The following SHOC1 variants were observed in gnomAD, a reference collection of about 807,000 sequenced individuals.
SHOC1 encodes shortage in chiasmata 1, also known as protein shortage in chiasmata 1 ortholog.
In SHOC1, 136 loss-of-function variants were observed where a neutral mutation model predicts 179.2. That is an observed-to-expected ratio of 0.76 (90% CI 0.66 to 0.87). SHOC1 has a LOEUF of 0.87. Ranked by LOEUF, SHOC1 falls within the 40% of genes least tolerant of loss-of-function variation. The pLI, the probability that SHOC1 is intolerant of heterozygous loss-of-function variation, is 0.00. For missense variants in SHOC1, 1,538 were observed against 1,700.8 expected (o/e 0.90, Z 1.68); for synonymous variants, 489 against 586.6 (o/e 0.83, Z 2.41).
At chr9:111,711,781 C>T (rs1276159233) in intron 18 of SHOC1, among the ~76,000 whole-genome samples, 1 of 152,004 alleles carries the variant, frequency 6.6e-6, no homozygotes, top group East Asian at 1.9e-4. Flanking sequence ...CTTAAGAGCC[C>T]AGGTAAATTT....
At chr9:111,736,519 A>G (rs1589424705) in intron 12 of SHOC1, among the ~76,000 whole-genome samples, 1 of 152,356 alleles carries the variant, frequency 6.6e-6, no homozygotes, top group East Asian at 1.9e-4. Context: ...CATATACAGA[A>G]GACTAAAACT....
At chr9:111,698,282 A>C (rs1417373143) in intron 24 of SHOC1, among the ~76,000 whole-genome samples, 1 of 152,116 alleles carries the variant, frequency 6.6e-6, no homozygotes, top group Non-Finnish European at 1.5e-5. Flanking sequence ...CTATGTCCTG[A>C]ATGGTATTGC....
At chr9:111,739,785 G>A (rs1457527355) in intron 11 of SHOC1, among the ~76,000 whole-genome samples, 2 of 151,982 alleles carry the variant, frequency 1.3e-5, no homozygotes, top group Admixed American at 6.6e-5. Context: ...GATGTCTAAT[G>A]TTTCTGCTGT....
intron 5 of SHOC1, among the ~76,000 whole-genome samples, chr9:111,765,264 G>A (rs2131588480): frequency 6.6e-6 from 1 of 152,134 alleles, no homozygotes; most frequent in Admixed American, 6.5e-5. Context: ...ATTACCTTTG[G>A]CTGAAGATAA....
rs1418932661 is a variant in SHOC1, at chr9:111,786,073, G to A, written c.46-38C>T. The A allele has an allele frequency of 3.7e-6, 5 of 1,342,602 alleles. No homozygotes were observed. The Admixed American group carries it at 1.6e-4, about 43-fold the overall frequency. 83.2% of individuals were successfully genotyped at this position (1,342,602 alleles called of 1,614,324 possible). ...GAAAGATTAGAAAATCTTTTAACAT[G>A]TACTATTTATCAATATTCAGAATAT... On this transcript the variant is annotated intron_variant, in intron 2 of 27. Coordinates refer to ENST00000682961, the MANE Select transcript of SHOC1 (RefSeq NM_001378211.1).
intron 17 of SHOC1, among the ~76,000 whole-genome samples, chr9:111,713,721 T>C (rs185336763): frequency 6.6e-5 from 10 of 152,318 alleles, no homozygotes; most frequent in Non-Finnish European, 1.2e-4. Flanking sequence ...TAGTGTAAAC[T>C]ATTTGAAATG....
rs983712472 is a variant in SHOC1 at position 111,722,507 on chromosome 9, A to C, written c.2033T>G (p.Leu678Arg). ...GGCAAATTTCCAATTAGCAGTAGGGAGGGTACACAAGGATACAAGGTTTTT... is the reference window on the plus strand; with the variant it reads ...GGCAAATTTCCAATTAGCAGTAGGGCGGGTACACAAGGATACAAGGTTTTT... Reference protein sequence around the residue: ...ILKNLVSLCTLPTANWKFATV... With the variant: ...ILKNLVSLCTRPTANWKFATV... The change falls in exon 15 of 28, where the codon CTC (leucine) becomes CGC (arginine). Residue 678 changes from leucine (L) to arginine (R), a missense_variant. Physicochemically the swap from Leu to Arg is moderately radical, Grantham distance 102. Transcript: ENST00000682961. The C allele has an allele frequency of 1.9e-6, 3 of 1,612,144 alleles. No homozygotes were observed. The highest frequency in any genetic ancestry group is 3.4e-5 in the Admixed American group (2 of 59,412).
At chr9:111,694,737 A>T (rs1308705171) in intron 24 of SHOC1, among the ~76,000 whole-genome samples, 5 of 152,090 alleles carry the variant, frequency 3.3e-5, no homozygotes, top group African/African-American at 1.2e-4. Flanking sequence ...ATAGTTGTCA[A>T]TTAAAATAAG....
At chr9:111,761,867 C>T (rs565410182) in intron 5 of SHOC1, among the ~76,000 whole-genome samples, 1 of 152,120 alleles carries the variant, frequency 6.6e-6, no homozygotes, top group South Asian at 2.1e-4. Flanking sequence ...TTGCCCATCA[C>T]ATTGGTTTAA....
At chr9:111,766,211 G>A (rs1835353423) in intron 5 of SHOC1, among the ~76,000 whole-genome samples, 1 of 152,078 alleles carries the variant, frequency 6.6e-6, no homozygotes, top group South Asian at 2.1e-4. Flanking sequence ...TTCCATCCAT[G>A]TTGCTGCAAA....
At position 111,691,600 on chromosome 9, in the gene SHOC1, T is replaced by C; in HGVS notation, c.4377A>G (p.Lys1459=). The C allele has an allele frequency of 6.2e-7, 1 of 1,613,836 alleles. No homozygotes were observed. The highest frequency in any genetic ancestry group is 8.5e-7 in the Non-Finnish European group (1 of 1,179,880). The change falls in exon 27 of 28, where the codon AAA becomes AAG. Residue 1459 remains lysine (K), a synonymous_variant. Coordinates refer to ENST00000682961, the MANE Select transcript of SHOC1 (RefSeq NM_001378211.1). ...AGTTAAATGAAGATTCATGGTGCCTTTTCTGTCCTAAACTTTTTCCAGCTC... is the reference window on the plus strand; with the variant it reads ...AGTTAAATGAAGATTCATGGTGCCTCTTCTGTCCTAAACTTTTTCCAGCTC... The part of the protein sequence containing the change: ...YQRAGKSLGQ[K]RHHESSFNSG...
chr9:111,789,010 C>T (rs1836359565), intron 2 of SHOC1, among the ~76,000 whole-genome samples: 1 of 152,190 alleles, frequency 6.6e-6, no homozygotes, highest in Non-Finnish European at 1.5e-5. Flanking sequence ...TCTTCTCTAT[C>T]AAGATCCAAC....
chr9:111,766,322 A>G (rs1173087608), intron 5 of SHOC1, among the ~76,000 whole-genome samples: 1 of 152,210 alleles, frequency 6.6e-6, no homozygotes, highest in Non-Finnish European at 1.5e-5. Flanking sequence ...GGTTGATTAC[A>G]TATCTGGCTA....
intron 12 of SHOC1, among the ~76,000 whole-genome samples, chr9:111,732,537 G>C (rs760446251): frequency 5.3e-5 from 8 of 152,100 alleles, no homozygotes; most frequent in Non-Finnish European, 1.0e-4. Context: ...TAAACAAACT[G>C]TGGTATATCC....
At chr9:111,757,821 A>G (rs556258730) in intron 7 of SHOC1, among the ~76,000 whole-genome samples, 1 of 152,346 alleles carries the variant, frequency 6.6e-6, no homozygotes, top group Non-Finnish European at 1.5e-5. Flanking sequence ...AAAGTTCCCT[A>G]TGACTGGCCT....
intron 22 of SHOC1, 83 bp downstream of exon 22, chr9:111,703,798 C>T (rs1832102607): frequency 1.5e-6 from 1 of 673,960 alleles, no homozygotes. Context: ...TATAGTTAAA[C>T]TTCCTACAGA....
At chr9:111,712,596 G>A (rs543950482) in intron 18 of SHOC1, among the ~76,000 whole-genome samples, 2 of 152,126 alleles carry the variant, frequency 1.3e-5, no homozygotes, top group Non-Finnish European at 2.9e-5. Flanking sequence ...AAGTGGAAAG[G>A]GTTGACAGAA....
rs545394564 is a variant in SHOC1, at chr9:111,761,852, T to C, written c.443-3004A>G. ...TTTAAAGATGTAAGTAAAAATATAATTTTTTTGCCCATCACATTGGTTTAA... is the reference window on the plus strand; with the variant it reads ...TTTAAAGATGTAAGTAAAAATATAACTTTTTTGCCCATCACATTGGTTTAA... On this transcript the variant is annotated intron_variant, in intron 5 of 27. Transcript: ENST00000682961. 9.9e-5 allele frequency among the ~76,000 whole-genome samples: 15 copies of C among 152,202 alleles called. No homozygotes were observed. In the South Asian group the frequency reaches 2.9e-3, roughly 29 times the overall value.
At chr9:111,741,759 G>A (rs1834052360) in intron 10 of SHOC1, among the ~76,000 whole-genome samples, 189 bp from the exon 11 acceptor site, 1 of 152,026 alleles carries the variant, frequency 6.6e-6, no homozygotes, top group South Asian at 2.1e-4. Context: ...AGGCTCCCGA[G>A]CAGCTGGGAT....
Sources: allele counts gnomAD v4.1 joint callset (sites outside exome capture counted in the v4.1 genomes callset), GRCh38; gene constraint gnomAD v4.1.1; transcripts MANE v1.5; gene names NCBI Gene and HGNC (gene_info 2026-07-23, HGNC 2026-07-21).